Variants in RHOT1 observed in about 807,000 individuals in gnomAD.
RHOT1 encodes the protein ras homolog family member T1.
RHOT1 carries 27 observed loss-of-function variants against 95.3 expected under a neutral mutation model. The observed-to-expected ratio is 0.28, with a 90% CI of 0.21 to 0.39. The LOEUF is 0.39. Ranked by LOEUF, RHOT1 falls within the 10% of genes least tolerant of loss-of-function variation. The pLI is 1.00. For synonymous variants in RHOT1, 227 were observed against 263.5 expected, an observed-to-expected ratio of 0.86 and a Z score of 1.34; for missense variants, 578 against 786.7, an observed-to-expected ratio of 0.73 and a Z score of 3.17.
At chr17:32,143,293 CTATG>C (rs1467824159) in intron 1 of RHOT1, among the ~76,000 whole-genome samples, 2 of 152,118 alleles carry the variant, frequency 1.3e-5, no homozygotes, top group African/African-American at 4.8e-5. Flanking sequence ...TTCACTCTCT[CTATG>C]TATTGACATT....
chr17:32,150,598 T>A (rs2032162557), intron 1 of RHOT1: 1 of 1,586,726 alleles, frequency 6.3e-7, no homozygotes, highest in African/African-American at 1.3e-5. Flanking sequence ...TCCTCCTACC[T>A]GGTACTTTGT....
intron 8 of RHOT1, among the ~76,000 whole-genome samples, chr17:32,189,032 G>A: frequency 6.6e-6 from 1 of 152,308 alleles, no homozygotes; most frequent in East Asian, 1.9e-4. Flanking sequence ...GGGCAAAGTG[G>A]TTCACGCATG....
At chr17:32,163,358 TG>T (rs1259080784) in intron 1 of RHOT1, among the ~76,000 whole-genome samples, 1 of 152,188 alleles carries the variant, frequency 6.6e-6, no homozygotes, top group Non-Finnish European at 1.5e-5. Context: ...TGACAGATCT[TG>T]ACTGCTAAAT....
chr17:32,193,976 C>T lies in RHOT1; in HGVS notation c.749-11C>T. On this transcript the variant is annotated splice_polypyrimidine_tract_variant and intron_variant, in intron 10 of 19. Transcript: ENST00000545287. ...TCTGTACACTTTATTTACTAATTTA[C>T]TTTATTTCAGGTTTTCTCTTTTTAC... 2 of 1,611,850 alleles carry T rather than the reference C, an allele frequency of 1.2e-6. No individual in the cohort carries two copies. Among genetic ancestry groups the T allele is most frequent in the South Asian group, 2.2e-5 (2 of 90,820 alleles).
intron 1 of RHOT1, chr17:32,143,121 T>G (rs2142321719): frequency 1.8e-6 from 1 of 556,166 alleles, no homozygotes. Flanking sequence ...GACCTTCTTG[T>G]CTTCTGGAGA....
chr17:32,188,922 A>G (rs1403722001), intron 8 of RHOT1, among the ~76,000 whole-genome samples: 2 of 152,220 alleles, frequency 1.3e-5, no homozygotes, highest in African/African-American at 2.4e-5. Context: ...TTCCTTAGTT[A>G]GGATTCTTCT....
intron 8 of RHOT1, among the ~76,000 whole-genome samples, chr17:32,185,197 G>A (rs1300826191): frequency 1.3e-5 from 2 of 151,830 alleles, no homozygotes; most frequent in African/African-American, 2.4e-5. Context: ...CACAACCTCC[G>A]CCTCCCAGGT....
chr17:32,177,845 A>ATG (rs1201572820), intron 6 of RHOT1, among the ~76,000 whole-genome samples: 1 of 137,680 alleles, frequency 7.3e-6, no homozygotes, highest in African/African-American at 2.7e-5. Flanking sequence ...TTTTTTTGAG[A>ATG]TGGAGTTTCC....
In RHOT1 at chr17:32,182,861, T is replaced by TG; in HGVS notation, c.436dup (p.Glu146GlyfsTer49). The TG allele has an allele frequency of 6.6e-7, 1 of 1,520,514 alleles. No individual in the cohort carries two copies. The highest frequency in any genetic ancestry group is 9.0e-7 in the Non-Finnish European group (1 of 1,105,742). The allele number at this position is 1,520,514 out of a possible 1,614,324, so 94.2% of individuals were successfully genotyped here. On this transcript the variant is annotated frameshift_variant, in exon 7 of 20. Coordinates refer to ENST00000545287, the MANE Select transcript of RHOT1 (RefSeq NM_001033566.3). LOFTEE classifies it high-confidence loss of function. ...CAGTATACAGAAATAGAAACCTGTG[T>TG]GGAGGTATGCCTTGTAATTTGATTT...
intron 2 of RHOT1, 86 bp downstream of exon 2, chr17:32,171,187 G>A: frequency 1.1e-6 from 1 of 915,362 alleles, no homozygotes; most frequent in Non-Finnish European, 1.7e-6. Flanking sequence ...CTTTTGGCAT[G>A]TGTTATGTGC....
chr17:32,211,250 T>C lies in RHOT1; in HGVS notation c.1862+12T>C, dbSNP rs769818807. On this transcript the variant is annotated intron_variant, in intron 19 of 19. Coordinates refer to ENST00000545287, the MANE Select transcript of RHOT1 (RefSeq NM_001033566.3). ...GCAGTTCTTAACAGGTTCTTAACTTTATTTACTGGGTACCAGGCATTCTGT... is the reference window on the plus strand; with the variant it reads ...GCAGTTCTTAACAGGTTCTTAACTTCATTTACTGGGTACCAGGCATTCTGT... 5 of 1,592,214 alleles carry C rather than the reference T, an allele frequency of 3.1e-6. No individual in the cohort carries two copies. Among genetic ancestry groups the C allele is most frequent in the Non-Finnish European group, 4.3e-6 (5 of 1,165,074 alleles).
At chr17:32,182,888 A>G in intron 7 of RHOT1, 23 bp downstream of exon 7, 2 of 1,394,582 alleles carry the variant, frequency 1.4e-6, no homozygotes, top group Non-Finnish European at 2.0e-6. Flanking sequence ...ATTTGATTTG[A>G]AAATTTATTT....
At chr17:32,196,092 T>G (rs893438528) in intron 11 of RHOT1, among the ~76,000 whole-genome samples, 1 of 152,152 alleles carries the variant, frequency 6.6e-6, no homozygotes, top group Non-Finnish European at 1.5e-5. Context: ...GCATCTATCC[T>G]TCACATTACT....
intron 16 of RHOT1, among the ~76,000 whole-genome samples, chr17:32,206,695 C>T (rs200817463): frequency 6.6e-6 from 1 of 151,698 alleles, no homozygotes; most frequent in East Asian, 1.9e-4. Context: ...CCTTGTGATC[C>T]GCCCACCTCG....
At chr17:32,200,256 T>A (rs2037213187) in intron 13 of RHOT1, among the ~76,000 whole-genome samples, 1 of 152,180 alleles carries the variant, frequency 6.6e-6, no homozygotes, top group Non-Finnish European at 1.5e-5. Context: ...TCTGTTGTAG[T>A]TCAGTCTTCA....
chr17:32,206,491 G>A (rs550110331), intron 16 of RHOT1, among the ~76,000 whole-genome samples: 20 of 110,888 alleles, frequency 1.8e-4, no homozygotes, highest in Admixed American at 1.6e-3. Flanking sequence ...TTGCTCTGTC[G>A]CCCAGGCTGG....
chr17:32,175,891 A>C, intron 4 of RHOT1, 71 bp from the exon 5 acceptor site: 3 of 1,002,176 alleles, frequency 3.0e-6, no homozygotes, highest in Non-Finnish European at 4.3e-6. Flanking sequence ...TATATTAATA[A>C]GTTGCTAATT....
At chr17:32,143,451 T>C (rs1007823402) in intron 1 of RHOT1, among the ~76,000 whole-genome samples, 5 of 152,210 alleles carry the variant, frequency 3.3e-5, no homozygotes, top group Admixed American at 3.3e-4. Flanking sequence ...TAGAATTATC[T>C]GGGGAGGGTC....
At chr17:32,202,643 G>A (rs1188424310) in intron 14 of RHOT1, 127 bp from the exon 15 acceptor site, 2 of 657,266 alleles carry the variant, frequency 3.0e-6, no homozygotes, top group East Asian at 2.8e-5. Flanking sequence ...CAATATGTTT[G>A]TTTATAGATC....
Sources: allele counts gnomAD v4.1 joint callset (sites outside exome capture counted in the v4.1 genomes callset), GRCh38; gene constraint gnomAD v4.1.1; transcripts MANE v1.5; gene names NCBI Gene and HGNC (gene_info 2026-07-23, HGNC 2026-07-21).